PRKN: variants seen among roughly 807,000 people sequenced by gnomAD.
The protein encoded by PRKN is parkin RBR E3 ubiquitin protein ligase, also known as E3 ubiquitin-protein ligase parkin.
A neutral mutation model predicts 59.5 loss-of-function variants in PRKN; 56 were observed. The observed-to-expected ratio is 0.94, with a 90% CI of 0.76 to 1.18. PRKN has a LOEUF of 1.18. Ranked by LOEUF, PRKN falls within the 50% of genes most tolerant of loss-of-function variation. The pLI, the probability that PRKN is intolerant of heterozygous loss-of-function variation, is 0.00. For synonymous variants in PRKN, 250 were observed against 222.1 expected (o/e 1.13, Z -1.12); for missense variants, 657 against 596.4 (o/e 1.10, Z -1.06).
intron 3 of PRKN, among the ~76,000 whole-genome samples, chr6:162,256,006 C>A (rs1323539734): frequency 1.3e-5 from 2 of 152,068 alleles, no homozygotes; most frequent in Non-Finnish European, 2.9e-5. Flanking sequence ...CATTAATTTG[C>A]AAAGAATTAG....
chr6:162,176,785 C>G (rs959659648), intron 4 of PRKN, among the ~76,000 whole-genome samples: 4 of 152,030 alleles, frequency 2.6e-5, no homozygotes, highest in Non-Finnish European at 5.9e-5. Context: ...TTACTATCTG[C>G]CATAAATACG....
chr6:161,591,777 C>G (rs1229875311), intron 7 of PRKN, among the ~76,000 whole-genome samples: 1 of 152,170 alleles, frequency 6.6e-6, no homozygotes, highest in Non-Finnish European at 1.5e-5. Context: ...TTAGTTTTCT[C>G]TAACTATAAG....
At position 161,396,983 on chromosome 6, in the gene PRKN, GAGC is replaced by G. The variant is rs531995546; in HGVS notation, c.1084-10109_1084-10107del. Among the ~76,000 whole-genome samples, 54 of 152,194 alleles carry G rather than the reference GAGC, an allele frequency of 3.5e-4. No homozygotes were observed. Among genetic ancestry groups the G allele is most frequent in the African/African-American group, 1.3e-3 (53 of 41,516 alleles). On this transcript the variant is annotated intron_variant, in intron 9 of 11. Transcript: ENST00000366898. This position sits in a 1 kb window ranked among gnomAD's most constrained non-coding sequence, Gnocchi z 5.4. ...ATACATTAACCCTTTATTGTATGTT[GAGC>G]AGTCTCATAGGTGCCCTGCAGGTAT...
chr6:161,968,123 C>A (rs935096251), intron 6 of PRKN, among the ~76,000 whole-genome samples: 1 of 151,402 alleles, frequency 6.6e-6, no homozygotes, highest in Non-Finnish European at 1.5e-5. Flanking sequence ...CGGGTTCAAG[C>A]GATTATCCTG....
chr6:162,693,100 C>T (rs1161333976), intron 1 of PRKN, among the ~76,000 whole-genome samples: 1 of 152,164 alleles, frequency 6.6e-6, no homozygotes, highest in Non-Finnish European at 1.5e-5. Flanking sequence ...CAGTAATAAA[C>T]ATTAAATAAA....
chr6:161,902,796 A>C (rs1777984245), intron 6 of PRKN, among the ~76,000 whole-genome samples: 4 of 152,066 alleles, frequency 2.6e-5, no homozygotes, highest in South Asian at 2.1e-4. Flanking sequence ...TCCTCAAGTG[A>C]TCTGCCCACC....
At chr6:161,885,116 TGAAA>T (rs893656980) in intron 6 of PRKN, among the ~76,000 whole-genome samples, 11 of 148,784 alleles carry the variant, frequency 7.4e-5, no homozygotes, top group African/African-American at 1.8e-4. Flanking sequence ...AAAGCTGATT[TGAAA>T]GAAAGAAGAA....
chr6:162,384,183 C>T (rs537743296), intron 2 of PRKN, among the ~76,000 whole-genome samples: 33 of 152,318 alleles, frequency 2.2e-4, no homozygotes, highest in African/African-American at 7.5e-4. Context: ...GGCTATTTGG[C>T]ACAAGAGGCC....
chr6:161,665,259 T>G (rs1784685477), intron 7 of PRKN, among the ~76,000 whole-genome samples: 1 of 152,170 alleles, frequency 6.6e-6, no homozygotes, highest in Non-Finnish European at 1.5e-5. Context: ...TATTTTTTTC[T>G]GTTGAAAAAC....
intron 1 of PRKN, among the ~76,000 whole-genome samples, chr6:162,474,594 T>C (rs1022667704): frequency 1.3e-5 from 2 of 152,148 alleles, no homozygotes; most frequent in Non-Finnish European, 2.9e-5. Context: ...TAAATGTAAA[T>C]GTTGAAAGTA....
intron 9 of PRKN, among the ~76,000 whole-genome samples, chr6:161,493,928 C>T (rs1210570799): frequency 2.0e-5 from 3 of 152,118 alleles, no homozygotes; most frequent in African/African-American, 7.2e-5. Flanking sequence ...GGGCTATCTC[C>T]GCACAGACAA....
At chr6:161,862,806 C>G (rs1386080450) in intron 6 of PRKN, among the ~76,000 whole-genome samples, 1 of 152,082 alleles carries the variant, frequency 6.6e-6, no homozygotes, top group African/African-American at 2.4e-5. Context: ...ACAGAAGCAA[C>G]GAAGACCCGT....
intron 4 of PRKN, among the ~76,000 whole-genome samples, chr6:162,063,653 T>A (rs1778200419): frequency 6.6e-6 from 1 of 152,040 alleles, no homozygotes; most frequent in Non-Finnish European, 1.5e-5. Context: ...CAAGTGATAC[T>A]CCTGCTTCAG....
intron 7 of PRKN, among the ~76,000 whole-genome samples, chr6:161,664,878 T>A (rs373650813): frequency 6.6e-5 from 10 of 151,308 alleles, no homozygotes; most frequent in African/African-American, 2.2e-4. Context: ...AAACTCCAGC[T>A]CCCAGGTTCA....
chr6:162,373,121 GA>G (rs1284792689), intron 2 of PRKN, among the ~76,000 whole-genome samples: 2 of 150,568 alleles, frequency 1.3e-5, no homozygotes, highest in Non-Finnish European at 3.0e-5. Flanking sequence ...AATGAGACCT[GA>G]ATAACTGGAA....
intron 7 of PRKN, among the ~76,000 whole-genome samples, chr6:161,580,941 C>G (rs1406254901): frequency 6.6e-6 from 1 of 151,952 alleles, no homozygotes; most frequent in Non-Finnish European, 1.5e-5. Context: ...GTGGCTCACA[C>G]CTGTAATCCC....
At chr6:161,955,164 A>C (rs1164844758) in intron 6 of PRKN, among the ~76,000 whole-genome samples, 1 of 152,080 alleles carries the variant, frequency 6.6e-6, no homozygotes, top group East Asian at 1.9e-4. Flanking sequence ...AGCATCATTG[A>C]AAGTTGGGCA....
intron 7 of PRKN, among the ~76,000 whole-genome samples, chr6:161,722,517 T>G (rs144534268): frequency 2.8e-4 from 43 of 152,306 alleles, no homozygotes; most frequent in Middle Eastern, 6.8e-3. Context: ...CCTGGCTACA[T>G]ATCTGGTAAT....
intron 6 of PRKN, among the ~76,000 whole-genome samples, chr6:161,942,151 C>G (rs905405747): frequency 3.9e-5 from 6 of 152,136 alleles, no homozygotes; most frequent in African/African-American, 1.4e-4. Context: ...GAACATTTTA[C>G]TTCAGTGGTA....
Sources: allele counts gnomAD v4.1 joint callset (sites outside exome capture counted in the v4.1 genomes callset), GRCh38; gene constraint gnomAD v4.1.1; non-coding constraint Gnocchi (gnomAD v3.1); transcripts MANE v1.5; gene names NCBI Gene and HGNC (gene_info 2026-07-23, HGNC 2026-07-21).